Variants in TRPV3 observed in about 807,000 individuals in gnomAD.
The protein encoded by TRPV3 is VRL-3.
A neutral mutation model predicts 87.1 loss-of-function variants in TRPV3; 88 were observed. The ratio of observed to expected loss-of-function variants is 1.01; its 90% CI spans 0.85 to 1.21. The LOEUF (loss-of-function observed/expected upper bound fraction) is 1.21, where lower values mean the gene tolerates loss of function less well. TRPV3 is among the 50% of genes most tolerant of loss of function. TRPV3 has a pLI of 0.00. For synonymous variants in TRPV3, 438 were observed against 423.3 expected, an observed-to-expected ratio of 1.03 and a Z score of -0.43; for missense variants, 1,054 against 1,030.1, an observed-to-expected ratio of 1.02 and a Z score of -0.32.
At chr17:3,531,451 C>CAGGAT (rs397813545) in intron 8 of TRPV3, among the ~76,000 whole-genome samples, 4 of 152,194 alleles carry the variant, frequency 2.6e-5, no homozygotes, top group African/African-American at 4.8e-5. Flanking sequence ...AGCCCCAGGA[C>CAGGAT]GGTGGCCAAG....
At chr17:3,549,973 G>A (rs1425991320) in intron 2 of TRPV3, among the ~76,000 whole-genome samples, 1 of 151,242 alleles carries the variant, frequency 6.6e-6, no homozygotes. Context: ...ATGATAGGTA[G>A]ATGAGTGGAT....
intron 6 of TRPV3, among the ~76,000 whole-genome samples, chr17:3,537,339 G>C (rs2074416862): frequency 7.1e-6 from 1 of 141,586 alleles, no homozygotes; most frequent in Non-Finnish European, 1.6e-5. Context: ...AGACGTGATG[G>C]TCCTATTTTA....
chr17:3,543,065 G>A (rs961418008), intron 5 of TRPV3, among the ~76,000 whole-genome samples: 4 of 151,598 alleles, frequency 2.6e-5, no homozygotes, highest in South Asian at 2.1e-4. Flanking sequence ...ACTGGTCCCC[G>A]AGACACCCAG....
Position 3,524,297 on chromosome 17 carries a change from G to A in TRPV3, c.1644C>T (p.Leu548=), listed in dbSNP as rs763513393. The change falls in exon 13 of 18, where the codon CTC becomes CTT. Residue 548 remains leucine, a synonymous_variant. Coordinates refer to ENST00000576742, the MANE Select transcript of TRPV3 (RefSeq NM_145068.4). ...GGGCCATGGCCAGCACGAGGCAGGCGAGGTACTCTTTGTAGGCAAACAAGT... is the reference window on the plus strand; with the variant it reads ...GGGCCATGGCCAGCACGAGGCAGGCAAGGTACTCTTTGTAGGCAAACAAGT... The part of the protein sequence containing the change: ...FLYLFAYKEY[L]ACLVLAMALG... 1.1e-5 allele frequency: 18 copies of A among 1,614,240 alleles called. No individual in the cohort carries two copies. Among genetic ancestry groups the A allele is most frequent in the South Asian group, 8.8e-5 (8 of 91,086 alleles).
In TRPV3 at chr17:3,524,709, C is replaced by T. The variant is rs561565564; in HGVS notation, c.1578-346G>A. Among the ~76,000 whole-genome samples, 115 of 151,390 alleles carry T rather than the reference C, an allele frequency of 7.6e-4. No homozygotes were observed. The Middle Eastern group carries it at 0.01, about 13-fold the overall frequency. ...CACACGGGCCTGGTGTAGTGGCTTT[C>T]GCCTGTAATCCCAACACTTTGGGGG... On this transcript the variant is annotated intron_variant, in intron 12 of 17. Coordinates refer to ENST00000576742, the MANE Select transcript of TRPV3 (RefSeq NM_145068.4).
Position 3,532,345 on chromosome 17 carries a change from A to G in TRPV3, c.1065+312T>C, listed in dbSNP as rs180865367. Among the ~76,000 whole-genome samples, 135 of 152,302 alleles carry G rather than the reference A, an allele frequency of 8.9e-4. 1 individual carries two copies. Among genetic ancestry groups the G allele is most frequent in the African/African-American group, 3.2e-3 (133 of 41,578 alleles). On this transcript the variant is annotated intron_variant, in intron 8 of 17. Transcript: ENST00000576742. Reference sequence around the variant, plus strand: ...AGGCAGAAGGCCCCAAGGGCCACCCACTGCTGGGGCTATTGTGTCACCTCA... The same window carrying G: ...AGGCAGAAGGCCCCAAGGGCCACCCGCTGCTGGGGCTATTGTGTCACCTCA...
intron 2 of TRPV3, among the ~76,000 whole-genome samples, chr17:3,547,992 G>A (rs1167809853): frequency 6.6e-6 from 1 of 152,194 alleles, no homozygotes; most frequent in Non-Finnish European, 1.5e-5. Flanking sequence ...AACCCGGACT[G>A]TGAGGATCAG....
At position 3,524,437 on chromosome 17, in the gene TRPV3, A is replaced by G. The variant is rs1034517613; in HGVS notation, c.1578-74T>C. ...AGGGCAAAGATATGCAAATCCCCCAAACCTCCCTTAAACCCCCTGAACAGT... is the reference window on the plus strand; with the variant it reads ...AGGGCAAAGATATGCAAATCCCCCAGACCTCCCTTAAACCCCCTGAACAGT... On this transcript the variant is annotated intron_variant, in intron 12 of 17. Transcript: ENST00000576742. 3.1e-5 allele frequency: 48 copies of G among 1,569,334 alleles called. No individual in the cohort carries two copies. The African/African-American group carries it at 5.3e-4, about 17-fold the overall frequency.
At position 3,556,680 on chromosome 17, in the gene TRPV3, GA is replaced by G. The variant is rs2074636012; in HGVS notation, c.-3+995del. On this transcript the variant is annotated intron_variant, in intron 1 of 17. Coordinates refer to ENST00000576742, the MANE Select transcript of TRPV3 (RefSeq NM_145068.4). This position sits in a 1 kb window ranked among gnomAD's most constrained non-coding sequence, Gnocchi z 4.2. ...ACTCAAAGGGAGCAGGCTCAGGATG[GA>G]GGAGGCATCGGCGAGGGAGAGCTTT... Among the ~76,000 whole-genome samples, 1 of 152,186 alleles carries G rather than the reference GA, an allele frequency of 6.6e-6. No homozygotes were observed. Among genetic ancestry groups the G allele is most frequent in the Non-Finnish European group, 1.5e-5 (1 of 68,032 alleles).
intron 2 of TRPV3, among the ~76,000 whole-genome samples, chr17:3,545,927 C>A (rs1214615710): frequency 6.8e-6 from 1 of 146,222 alleles, no homozygotes; most frequent in Non-Finnish European, 1.5e-5. Flanking sequence ...GAGGTGGAGG[C>A]TGCAGTGAGC....
intron 6 of TRPV3, 112 bp from the exon 7 acceptor site, chr17:3,535,825 G>T (rs1210518150): frequency 9.0e-6 from 11 of 1,226,308 alleles, no homozygotes; most frequent in Non-Finnish European, 1.2e-5. Flanking sequence ...TCAGAACCCT[G>T]GTCTGTGTCG....
At chr17:3,545,343 GC>G in intron 2 of TRPV3, 72 bp from the exon 3 acceptor site, 2 of 1,183,926 alleles carry the variant, frequency 1.7e-6, no homozygotes, top group Non-Finnish European at 1.2e-6. Flanking sequence ...CTGCCTCCTG[GC>G]CCCAGAGGGT....
chr17:3,542,500 A>G (rs369077600), intron 6 of TRPV3, 22 bp downstream of exon 6: 1 of 1,607,800 alleles, frequency 6.2e-7, no homozygotes, highest in African/African-American at 1.3e-5. Context: ...CTGTCTGCAC[A>G]GCCCCTCTGC....
At chr17:3,519,668 T>G (rs373061596) in intron 14 of TRPV3, among the ~76,000 whole-genome samples, 15 of 89,296 alleles carry the variant, frequency 1.7e-4, no homozygotes, top group South Asian at 3.6e-4. Flanking sequence ...ATGGACTGAT[T>G]GATCGATGGA....
chr17:3,554,984 C>T, intron 1 of TRPV3, 132 bp from the exon 2 acceptor site: 1 of 599,212 alleles, frequency 1.7e-6, no homozygotes, highest in Non-Finnish European at 2.9e-6. Context: ...TCCTCCCTTC[C>T]CAGTTCACCA....
chr17:3,522,287 T>G (rs2150783388), intron 13 of TRPV3, among the ~76,000 whole-genome samples: 1 of 152,284 alleles, frequency 6.6e-6, no homozygotes, highest in East Asian at 1.9e-4. Flanking sequence ...TGTTGGTAGC[T>G]GGAAATTGGC....
intron 7 of TRPV3, among the ~76,000 whole-genome samples, chr17:3,535,206 T>TC: frequency 4.8e-5 from 2 of 41,534 alleles, no homozygotes; most frequent in East Asian, 1.4e-3. Context: ...CCCTCCTCCT[T>TC]CTCCCTTCTG....
intron 2 of TRPV3, among the ~76,000 whole-genome samples, chr17:3,545,890 T>C (rs1597489440): frequency 6.8e-6 from 1 of 147,926 alleles, no homozygotes; most frequent in Non-Finnish European, 1.5e-5. Flanking sequence ...CTCGGGAGGC[T>C]GAGACAGGAG....
At chr17:3,526,367 A>C (rs894053123) in intron 12 of TRPV3, among the ~76,000 whole-genome samples, 61 of 152,000 alleles carry the variant, frequency 4.0e-4, no homozygotes, top group Non-Finnish European at 1.0e-4. Flanking sequence ...AATCCCAGCT[A>C]CTCAGGAGGC....
Sources: allele counts gnomAD v4.1 joint callset (sites outside exome capture counted in the v4.1 genomes callset), GRCh38; gene constraint gnomAD v4.1.1; non-coding constraint Gnocchi (gnomAD v3.1); transcripts MANE v1.5; gene names NCBI Gene and HGNC (gene_info 2026-07-23, HGNC 2026-07-21).